The following TLN2 variants were observed in gnomAD, a reference collection of about 807,000 sequenced individuals.
TLN2 encodes the protein talin-2.
TLN2 carries 118 observed loss-of-function variants against 294.7 expected under a neutral mutation model. The observed-to-expected ratio is 0.40, with a 90% CI of 0.34 to 0.47. The LOEUF (loss-of-function observed/expected upper bound fraction) is 0.47. Ranked by LOEUF, TLN2 falls within the 20% of genes least tolerant of loss-of-function variation. TLN2 has a pLI of 0.84. For synonymous variants in TLN2, 1,431 were observed against 1,304.5 expected, an observed-to-expected ratio of 1.10 and a Z score of -2.09; for missense variants, 3,083 against 3,282.2, an observed-to-expected ratio of 0.94 and a Z score of 1.48.
rs1200565613 is a variant in TLN2 at position 62,725,051 on chromosome 15, G to C, written c.3202G>C (p.Asp1068His). The C allele has an allele frequency of 6.2e-7, 1 of 1,613,310 alleles. No individual in the cohort carries two copies. Among genetic ancestry groups the C allele is most frequent in the Non-Finnish European group, 8.5e-7 (1 of 1,179,690 alleles). Reference protein sequence around the residue: ...TVQTLKNELQDAKMAAVESQL... With the variant: ...TVQTLKNELQHAKMAAVESQL... ...GCAGACGCTTAAGAATGAACTGCAG[G>C]ATGCCAAGATGGCAGCCGTGGAGAG... The change falls in exon 27 of 59, where the codon GAT becomes CAT. Residue 1068 changes from aspartate to histidine, a missense_variant. Asp to His is a moderately conservative substitution (Grantham distance 81). Coordinates refer to ENST00000636159, the MANE Select transcript of TLN2 (RefSeq NM_015059.3).
chr15:62,584,191 C>G (rs2045392133), intron 1 of TLN2, among the ~76,000 whole-genome samples: 2 of 152,178 alleles, frequency 1.3e-5, no homozygotes, highest in South Asian at 4.1e-4. Context: ...TAAAGGAACT[C>G]TGTGCACACA....
In TLN2 at chr15:62,577,325, C is replaced by T. The variant is rs530235058; in HGVS notation, c.-237-12362C>T. Among the ~76,000 whole-genome samples, 5 of 152,158 alleles carry T rather than the reference C, an allele frequency of 3.3e-5. No individual in the cohort carries two copies. In the East Asian group the frequency reaches 5.8e-4, roughly 18 times the overall value. ...GGGTGTGGTGGCGCATGCCTTTAAT[C>T]CCAGCTACTTTGGGAGGCTGAGGCA... On this transcript the variant is annotated intron_variant, in intron 1 of 58. Coordinates refer to ENST00000636159, the MANE Select transcript of TLN2 (RefSeq NM_015059.3).
intron 1 of TLN2, among the ~76,000 whole-genome samples, chr15:62,586,258 T>G (rs1459152721): frequency 2.6e-5 from 4 of 152,238 alleles, no homozygotes; most frequent in African/African-American, 4.8e-5. Context: ...TGTTGTACTT[T>G]GGAGTCGCAG....
At position 62,406,293 on chromosome 15, in the gene TLN2, G is replaced by A. The variant is rs111927746; in HGVS notation, c.-238+15608G>A. Among the ~76,000 whole-genome samples the A allele has an allele frequency of 2.0e-4, 30 of 152,232 alleles. 1 individual carries two copies. In the East Asian group the frequency reaches 3.9e-3, roughly 20 times the overall value. ...TCTTGTAGAAGGGCATCTTCTCCCCGTCTCTTCATTGTTGTCCCTCTGATG... is the reference window on the plus strand; with the variant it reads ...TCTTGTAGAAGGGCATCTTCTCCCCATCTCTTCATTGTTGTCCCTCTGATG... On this transcript the variant is annotated intron_variant, in intron 1 of 58. Coordinates refer to ENST00000636159, the MANE Select transcript of TLN2 (RefSeq NM_015059.3).
chr15:62,644,031 G>C (rs1352578908), intron 3 of TLN2, among the ~76,000 whole-genome samples: 1 of 151,986 alleles, frequency 6.6e-6, no homozygotes, highest in Non-Finnish European at 1.5e-5. Flanking sequence ...ATAAATCTGA[G>C]CTACCGCCTG....
chr15:62,825,858 ATATATATAT>A (rs1191714584), intron 54 of TLN2, among the ~76,000 whole-genome samples: 15 of 87,056 alleles, frequency 1.7e-4, no homozygotes, highest in South Asian at 3.1e-4. Context: ...TATATTATAT[ATATATATAT>A]TTATATATAT....
At chr15:62,661,657 T>A (rs7181203) in intron 9 of TLN2, among the ~76,000 whole-genome samples, 1 of 152,150 alleles carries the variant, frequency 6.6e-6, no homozygotes, top group African/African-American at 2.4e-5. Flanking sequence ...GAGATTCTCA[T>A]TGAATGGAAG....
chr15:62,801,663 C>A (rs965228811), intron 50 of TLN2, among the ~76,000 whole-genome samples: 1 of 152,160 alleles, frequency 6.6e-6, no homozygotes, highest in Non-Finnish European at 1.5e-5. Flanking sequence ...ATTGATGTTG[C>A]GCTCAGTTCA....
chr15:62,577,742 G>T (rs527669914), intron 1 of TLN2, among the ~76,000 whole-genome samples: 1 of 151,954 alleles, frequency 6.6e-6, no homozygotes, highest in Non-Finnish European at 1.5e-5. Context: ...TGTGCACACC[G>T]TGCAGATTTG....
At chr15:62,537,587 A>G (rs1416982193) in intron 1 of TLN2, among the ~76,000 whole-genome samples, 1 of 152,216 alleles carries the variant, frequency 6.6e-6, no homozygotes, top group African/African-American at 2.4e-5. Context: ...GCCTCAGGGA[A>G]GGAAGTGATT....
At chr15:62,767,006 C>T (rs1355872702) in intron 41 of TLN2, among the ~76,000 whole-genome samples, 1 of 152,170 alleles carries the variant, frequency 6.6e-6, no homozygotes. Context: ...GCAAATTCTT[C>T]AAGGACGGTT....
chr15:62,580,923 G>A (rs1028072278), intron 1 of TLN2, among the ~76,000 whole-genome samples: 12 of 127,954 alleles, frequency 9.4e-5, no homozygotes, highest in Admixed American at 1.8e-4. Context: ...CGGTCTTGTT[G>A]CCTAGGCTGG....
intron 1 of TLN2, among the ~76,000 whole-genome samples, chr15:62,490,532 A>G (rs752961081): frequency 1.3e-5 from 2 of 152,104 alleles, no homozygotes; most frequent in Non-Finnish European, 2.9e-5. Flanking sequence ...AGGCAGCCTT[A>G]GGAAAATACA....
At chr15:62,538,475 G>A (rs376759139) in intron 1 of TLN2, among the ~76,000 whole-genome samples, 41 of 152,278 alleles carry the variant, frequency 2.7e-4, no homozygotes, top group African/African-American at 8.9e-4. Flanking sequence ...ACTCAGCTGT[G>A]TCAGATGAAT....
chr15:62,548,665 T>C (rs1393729303), intron 1 of TLN2, among the ~76,000 whole-genome samples: 3 of 152,210 alleles, frequency 2.0e-5, no homozygotes, highest in Non-Finnish European at 4.4e-5. Flanking sequence ...ATTGGGTTCC[T>C]GTTCATCCCA....
intron 39 of TLN2, 165 bp from the exon 40 acceptor site, chr15:62,763,398 G>A: frequency 1.4e-6 from 1 of 702,426 alleles, no homozygotes; most frequent in Non-Finnish European, 2.3e-6. Flanking sequence ...GGAATGCATG[G>A]GCTGTGCAGT....
intron 1 of TLN2, among the ~76,000 whole-genome samples, chr15:62,438,793 G>T (rs115233729): frequency 6.6e-6 from 1 of 152,194 alleles, no homozygotes; most frequent in Non-Finnish European, 1.5e-5. Flanking sequence ...CAGGACAGAT[G>T]CTCAGGTGAT....
chr15:62,718,769 A>G lies in TLN2; in HGVS notation c.2878-998A>G, dbSNP rs147380955. Among the ~76,000 whole-genome samples, 1,274 of 152,306 alleles carry G rather than the reference A, an allele frequency of 8.4e-3. 19 individuals carry two copies. The highest frequency in any genetic ancestry group is 0.028 in the African/African-American group (1,168 of 41,560). On this transcript the variant is annotated intron_variant, in intron 24 of 58. Coordinates refer to ENST00000636159, the MANE Select transcript of TLN2 (RefSeq NM_015059.3). Reference sequence around the variant, plus strand: ...GGTGAAAACTTTCTTCTCAGGAAGCATGTGCTGCTCACATGCAGGGACATG... The same window carrying G: ...GGTGAAAACTTTCTTCTCAGGAAGCGTGTGCTGCTCACATGCAGGGACATG...
intron 3 of TLN2, among the ~76,000 whole-genome samples, chr15:62,629,558 C>G (rs995137910): frequency 1.3e-5 from 2 of 152,004 alleles, no homozygotes; most frequent in Non-Finnish European, 2.9e-5. Flanking sequence ...TGTGCTTTTC[C>G]CCCAAATGAG....
Sources: allele counts gnomAD v4.1 joint callset (sites outside exome capture counted in the v4.1 genomes callset), GRCh38; gene constraint gnomAD v4.1.1; transcripts MANE v1.5; gene names NCBI Gene and HGNC (gene_info 2026-07-23, HGNC 2026-07-21).